Variants in RUNX1T1 observed in about 807,000 individuals in gnomAD.
RUNX1T1 encodes the protein protein CBFA2T1.
RUNX1T1 carries 4 observed loss-of-function variants against 62.8 expected under a neutral mutation model. The ratio of observed to expected loss-of-function variants is 0.06; its 90% CI spans 0.03 to 0.15. RUNX1T1 has a LOEUF of 0.15. RUNX1T1 is among the 10% of genes least tolerant of loss of function. RUNX1T1 has a pLI of 1.00. For synonymous variants in RUNX1T1, 291 were observed against 286.0 expected (o/e 1.02, Z -0.18); for missense variants, 508 against 754.3 (o/e 0.67, Z 3.82).
upstream of RUNX1T1, chr8:92,062,993 C>A: frequency 8.9e-7 from 1 of 1,119,926 alleles, no homozygotes; most frequent in Non-Finnish European, 1.1e-6. Flanking sequence ...CAAGGTTAAC[C>A]CTTATTTTGC....
intron 8 of RUNX1T1, among the ~76,000 whole-genome samples, chr8:91,981,099 A>G (rs1467279061): frequency 6.6e-6 from 1 of 152,162 alleles, no homozygotes; most frequent in Non-Finnish European, 1.5e-5. Context: ...TATGAAATAT[A>G]TATTACCATC....
At chr8:91,993,615 C>T (rs1007416395) in intron 5 of RUNX1T1, among the ~76,000 whole-genome samples, 6 of 152,110 alleles carry the variant, frequency 3.9e-5, no homozygotes, top group African/African-American at 9.7e-5. Context: ...TTATACTTTA[C>T]CCTATCTCAG....
At chr8:91,978,453 T>C (rs959715323) in intron 8 of RUNX1T1, among the ~76,000 whole-genome samples, 1 of 152,214 alleles carries the variant, frequency 6.6e-6, no homozygotes, top group South Asian at 2.1e-4. Flanking sequence ...CTAGTAAGAA[T>C]GGCTATATAA....
chr8:92,067,102 T>A (rs528680769), upstream of RUNX1T1, among the ~76,000 whole-genome samples: 88 of 152,266 alleles, frequency 5.8e-4, no homozygotes, highest in African/African-American at 2.1e-3. Context: ...TGTATAAACA[T>A]CATGAGGTTA....
intron 1 of RUNX1T1, among the ~76,000 whole-genome samples, chr8:92,041,344 A>C (rs1193714002): frequency 6.6e-6 from 1 of 152,218 alleles, no homozygotes; most frequent in Admixed American, 6.5e-5. Context: ...GCAGGATTTC[A>C]CAAAGGCCGG....
chr8:92,086,219 T>C (rs1366992148), intron 1 of RUNX1T1, among the ~76,000 whole-genome samples: 2 of 152,228 alleles, frequency 1.3e-5, no homozygotes, highest in African/African-American at 4.8e-5. Context: ...TAACTCCATA[T>C]GCTGTCATCT....
At chr8:92,069,073 G>A (rs1342955327) in intron 2 of RUNX1T1, among the ~76,000 whole-genome samples, 1 of 151,692 alleles carries the variant, frequency 6.6e-6, no homozygotes, top group Non-Finnish European at 1.5e-5. Flanking sequence ...TTCTGATAAT[G>A]TCTATTCTTA....
intron 4 of RUNX1T1, among the ~76,000 whole-genome samples, chr8:92,008,631 G>A (rs536937278): frequency 2.0e-5 from 3 of 152,078 alleles, no homozygotes; most frequent in Non-Finnish European, 4.4e-5. Context: ...TGACTCACAG[G>A]CTGGACATCT....
At chr8:92,027,129 A>AAC (rs71275439) in intron 1 of RUNX1T1, among the ~76,000 whole-genome samples, 2 of 145,782 alleles carry the variant, frequency 1.4e-5, no homozygotes, top group African/African-American at 2.5e-5. Flanking sequence ...AAAAAAAAAA[A>AAC]AAAAAGAAAA....
chr8:92,075,409 CT>C (rs1172587663), intron 2 of RUNX1T1, among the ~76,000 whole-genome samples: 1 of 152,210 alleles, frequency 6.6e-6, no homozygotes, highest in African/African-American at 2.4e-5. Flanking sequence ...TTTATATTTG[CT>C]GTTTTCCTAA....
intron 4 of RUNX1T1, among the ~76,000 whole-genome samples, chr8:92,008,388 T>TCTCACACA (rs1554617950): frequency 1.4e-3 from 188 of 131,968 alleles, no homozygotes; most frequent in South Asian, 4.0e-3. Flanking sequence ...TCTCTCTCTC[T>TCTCACACA]CACACACACA....
At chr8:91,971,688 T>C (rs1812861399) in intron 9 of RUNX1T1, among the ~76,000 whole-genome samples, 1 of 152,180 alleles carries the variant, frequency 6.6e-6, no homozygotes, top group South Asian at 2.1e-4. Flanking sequence ...TTACCAAATA[T>C]ATACAGTGGT....
intron 1 of RUNX1T1, among the ~76,000 whole-genome samples, chr8:92,091,137 A>AGACAC (rs1055760764): frequency 3.3e-5 from 5 of 152,166 alleles, no homozygotes; most frequent in African/African-American, 1.2e-4. Context: ...ACACAACGGG[A>AGACAC]AAACTTCACA....
At chr8:92,094,446 G>T (rs1837488904) in intron 1 of RUNX1T1, among the ~76,000 whole-genome samples, 1 of 151,894 alleles carries the variant, frequency 6.6e-6, no homozygotes, top group Non-Finnish European at 1.5e-5. Context: ...AGATTTCATG[G>T]TTCAAATCCA....
intron 1 of RUNX1T1, among the ~76,000 whole-genome samples, chr8:92,053,210 T>G (rs1830496389): frequency 6.6e-6 from 1 of 152,136 alleles, no homozygotes; most frequent in Non-Finnish European, 1.5e-5. Flanking sequence ...AAGATAAATT[T>G]TACCTGTCTA....
intron 1 of RUNX1T1, among the ~76,000 whole-genome samples, chr8:92,055,598 C>T (rs543257416): frequency 2.6e-5 from 4 of 152,230 alleles, no homozygotes; most frequent in South Asian, 4.1e-4. Context: ...CGTGCCACCA[C>T]GCCTGGCTTC....
At chr8:92,095,105 C>A (rs182687713) in intron 1 of RUNX1T1, 1 of 1,535,622 alleles carries the variant, frequency 6.5e-7, no homozygotes, top group East Asian at 2.4e-5. Flanking sequence ...CTCCTCACCC[C>A]ACACAACAAA....
chr8:91,993,991 T>A (rs969874021), intron 5 of RUNX1T1, among the ~76,000 whole-genome samples: 1 of 151,932 alleles, frequency 6.6e-6, no homozygotes, highest in Non-Finnish European at 1.5e-5. Flanking sequence ...AAACTCTTTC[T>A]TAAAACAACA....
intron 1 of RUNX1T1, among the ~76,000 whole-genome samples, chr8:92,079,832 T>G (rs183798188): frequency 6.6e-6 from 1 of 152,152 alleles, no homozygotes; most frequent in African/African-American, 2.4e-5. Flanking sequence ...CTTCCTCTCA[T>G]GCTGGTGGCT....
Sources: allele counts gnomAD v4.1 joint callset (sites outside exome capture counted in the v4.1 genomes callset), GRCh38; gene constraint gnomAD v4.1.1; transcripts MANE v1.5; gene names NCBI Gene and HGNC (gene_info 2026-07-23, HGNC 2026-07-21).